CACNA2D1: variants seen among roughly 807,000 people sequenced by gnomAD.
CACNA2D1 encodes the protein calcium voltage-gated channel auxiliary subunit alpha2delta 1, also known as voltage-dependent calcium channel subunit alpha-2/delta-1.
Under a neutral mutation model 171.5 loss-of-function variants are expected in CACNA2D1, and 53 were observed. That is an observed-to-expected ratio of 0.31 (90% CI 0.25 to 0.39). CACNA2D1 has a LOEUF of 0.39. Ranked by LOEUF, CACNA2D1 falls within the 10% of genes least tolerant of loss-of-function variation. The probability of loss-of-function intolerance (pLI) is 1.00; values close to 1 mark genes in which losing one functional copy is unlikely to be tolerated. For synonymous variants in CACNA2D1, 442 were observed against 443.1 expected (o/e 1.00, Z 0.03); for missense variants, 903 against 1,299.8 (o/e 0.69, Z 4.69).
chr7:82,411,895 T>TCTCTCACACACA (rs1554548045), intron 1 of CACNA2D1, among the ~76,000 whole-genome samples: 1 of 144,790 alleles, frequency 6.9e-6, no homozygotes, highest in East Asian at 2.0e-4. Context: ...AAACTAAATC[T>TCTCTCACACACA]CACACACACA....
At chr7:81,989,205 G>T (rs1429235683) in intron 21 of CACNA2D1, among the ~76,000 whole-genome samples, 1 of 152,178 alleles carries the variant, frequency 6.6e-6, no homozygotes, top group Non-Finnish European at 1.5e-5. Flanking sequence ...CTTTTCAGTG[G>T]AGAATCTGGA....
At chr7:82,382,538 C>G (rs754711629) in intron 1 of CACNA2D1, among the ~76,000 whole-genome samples, 1 of 152,138 alleles carries the variant, frequency 6.6e-6, no homozygotes, top group Non-Finnish European at 1.5e-5. Flanking sequence ...GGCCCATTCA[C>G]AGAGACTATT....
chr7:82,107,925 T>C (rs549594045), intron 6 of CACNA2D1, among the ~76,000 whole-genome samples: 1 of 152,258 alleles, frequency 6.6e-6, no homozygotes, highest in Non-Finnish European at 1.5e-5. Context: ...ATTGTTTTTA[T>C]GTCTAAAGGT....
intron 9 of CACNA2D1, among the ~76,000 whole-genome samples, chr7:82,062,958 G>A (rs879423816): frequency 1.3e-5 from 2 of 151,778 alleles, no homozygotes; most frequent in Non-Finnish European, 2.9e-5. Context: ...TGTTGCTCAG[G>A]CTGGTCTCAA....
At chr7:82,167,427 C>T (rs999019539) in intron 4 of CACNA2D1, among the ~76,000 whole-genome samples, 2 of 151,830 alleles carry the variant, frequency 1.3e-5, no homozygotes, top group Admixed American at 6.6e-5. Flanking sequence ...TAAAGCACCA[C>T]CTAGTTTATT....
Position 82,364,308 on chromosome 7 carries a change from G to T in CACNA2D1, c.96-14659C>A, listed in dbSNP as rs534380731. On this transcript the variant is annotated intron_variant, in intron 1 of 38. Transcript: ENST00000356860. ...AAGAACATAGCAAATGTCAAAGATA[G>T]AGCAAATCAATTGAGAACTATGGAT... 5.3e-5 allele frequency among the ~76,000 whole-genome samples: 8 copies of T among 152,280 alleles called. No individual in the cohort carries two copies. In the South Asian group the frequency reaches 1.7e-3, roughly 32 times the overall value.
chr7:82,196,479 C>G (rs868368051), intron 3 of CACNA2D1, among the ~76,000 whole-genome samples: 2 of 152,134 alleles, frequency 1.3e-5, no homozygotes, highest in Middle Eastern at 6.8e-3. Context: ...GATCACAGAT[C>G]TAACTAGTGC....
chr7:82,371,417 A>T (rs1212985077), intron 1 of CACNA2D1, among the ~76,000 whole-genome samples: 1 of 152,078 alleles, frequency 6.6e-6, no homozygotes, highest in Admixed American at 6.6e-5. Context: ...TGTAAGGATT[A>T]AAAAAAATCT....
At chr7:82,323,460 A>C (rs1816251801) in intron 3 of CACNA2D1, among the ~76,000 whole-genome samples, 1 of 152,072 alleles carries the variant, frequency 6.6e-6, no homozygotes, top group Non-Finnish European at 1.5e-5. Context: ...ACCACTAACG[A>C]CCTATGCGCA....
intron 1 of CACNA2D1, among the ~76,000 whole-genome samples, chr7:82,371,047 T>G (rs952251403): frequency 1.4e-4 from 21 of 152,200 alleles, no homozygotes; most frequent in Admixed American, 1.3e-4. Context: ...ACATGTGAAC[T>G]GTTAATAATA....
chr7:82,344,246 T>C (rs1346143406), intron 2 of CACNA2D1, among the ~76,000 whole-genome samples: 2 of 152,214 alleles, frequency 1.3e-5, no homozygotes, highest in Non-Finnish European at 2.9e-5. Context: ...CCCTGAGTTA[T>C]GATAATCACA....
intron 1 of CACNA2D1, among the ~76,000 whole-genome samples, chr7:82,440,329 T>A (rs980504225): frequency 6.6e-6 from 1 of 151,906 alleles, no homozygotes; most frequent in African/African-American, 2.4e-5. Context: ...TAAATTACCA[T>A]TATAATACTG....
chr7:82,416,676 C>T (rs1478492090), intron 1 of CACNA2D1, among the ~76,000 whole-genome samples: 1 of 152,160 alleles, frequency 6.6e-6, no homozygotes, highest in African/African-American at 2.4e-5. Context: ...GGACATGCAT[C>T]ATATTGAATT....
At chr7:82,072,172 T>G (rs1342134995) in intron 7 of CACNA2D1, among the ~76,000 whole-genome samples, 1 of 152,124 alleles carries the variant, frequency 6.6e-6, no homozygotes, top group Admixed American at 6.6e-5. Flanking sequence ...GCTTTGAGAA[T>G]GCAAAGGAGG....
chr7:82,398,752 ATT>A (rs925665734), intron 1 of CACNA2D1, among the ~76,000 whole-genome samples: 12 of 151,556 alleles, frequency 7.9e-5, no homozygotes, highest in African/African-American at 2.9e-4. Flanking sequence ...ATTTTTTAAA[ATT>A]TTTTGTAGAG....
intron 3 of CACNA2D1, among the ~76,000 whole-genome samples, chr7:82,241,504 G>A (rs972649257): frequency 2.0e-5 from 3 of 152,174 alleles, no homozygotes; most frequent in Non-Finnish European, 4.4e-5. Flanking sequence ...CAAACATCCT[G>A]GGAATACTCA....
intron 37 of CACNA2D1, 138 bp from the exon 38 acceptor site, chr7:81,959,495 A>C (rs1423600140): frequency 2.6e-6 from 2 of 776,930 alleles, no homozygotes; most frequent in Non-Finnish European, 4.4e-6. Flanking sequence ...ATTCAAGTAC[A>C]TAGGGATTTA....
intron 1 of CACNA2D1, among the ~76,000 whole-genome samples, chr7:82,397,798 G>C (rs539798276): frequency 6.6e-6 from 1 of 152,204 alleles, no homozygotes; most frequent in Admixed American, 6.5e-5. Flanking sequence ...GACACAGAGA[G>C]GCCAAAAAAC....
rs1201539599 is a variant in CACNA2D1 at position 82,111,428 on chromosome 7, G to GTA, written c.526+5614_526+5615dup. 8.1e-3 allele frequency among the ~76,000 whole-genome samples: 406 copies of GTA among 50,358 alleles called. 25 individuals are homozygous for GTA. The highest frequency in any genetic ancestry group is 0.011 in the Non-Finnish European group (320 of 28,032). 33.0% of individuals were successfully genotyped at this position (50,358 alleles called of 152,430 possible). The stretch of plus-strand genomic sequence containing the variant: ...TATTCATATATGTGTATATATGTGT[G>GTA]TATATATATATATATATTTTTTTTT... On this transcript the variant is annotated intron_variant, in intron 6 of 38. Coordinates refer to ENST00000356860, the MANE Select transcript of CACNA2D1 (RefSeq NM_000722.4).
Sources: gnomAD v4.1 joint callset for allele counts (sites outside exome capture counted in the v4.1 genomes callset) on GRCh38, gnomAD v4.1.1 for gene constraint, MANE v1.5 for transcripts, NCBI Gene and HGNC (gene_info 2026-07-23, HGNC 2026-07-21) for gene names.